Variants in SLIT1 observed in about 807,000 individuals in gnomAD.
SLIT1 encodes the protein slit guidance ligand 1, also known as slit homolog 1 protein.
In SLIT1, 66 loss-of-function variants were observed where a neutral mutation model predicts 186.1. The ratio of observed to expected loss-of-function variants is 0.35; its 90% CI spans 0.29 to 0.44. The LOEUF (loss-of-function observed/expected upper bound fraction) is 0.44, where lower values mean the gene tolerates loss of function less well. Ranked by LOEUF, SLIT1 falls within the 20% of genes least tolerant of loss-of-function variation. The probability of loss-of-function intolerance (pLI) is 1.00; values close to 1 mark genes in which losing one functional copy is unlikely to be tolerated. For synonymous variants in SLIT1, 761 were observed against 833.8 expected, an observed-to-expected ratio of 0.91 and a Z score of 1.50; for missense variants, 1,638 against 2,037.4, an observed-to-expected ratio of 0.80 and a Z score of 3.77.
At chr10:97,136,342 T>C (rs537908413) in intron 4 of SLIT1, among the ~76,000 whole-genome samples, 2 of 152,340 alleles carry the variant, frequency 1.3e-5, no homozygotes, top group Admixed American at 1.3e-4. Context: ...GTTATTTTTT[T>C]AAGTGGCTTT....
At chr10:97,141,646 T>C (rs905415122) in intron 4 of SLIT1, among the ~76,000 whole-genome samples, 4 of 151,444 alleles carry the variant, frequency 2.6e-5, no homozygotes, top group African/African-American at 9.8e-5. Context: ...TGCACTGTAT[T>C]GCATTGTATT....
chr10:97,119,913 GTATATATATA>G lies in SLIT1; in HGVS notation c.413+37895_413+37904del, dbSNP rs55656011. 2.7e-3 allele frequency among the ~76,000 whole-genome samples: 150 copies of G among 56,520 alleles called. 1 individual carries two copies. The highest frequency in any genetic ancestry group is 4.5e-3 in the African/African-American group (86 of 19,086). The allele number at this position is 56,520 out of a possible 152,430, so 37.1% of individuals were successfully genotyped here. A position where few individuals can be genotyped will look rare whatever the true frequency, so the allele number is the denominator to read the frequency against. On this transcript the variant is annotated intron_variant, in intron 4 of 36. Coordinates refer to ENST00000266058, the MANE Select transcript of SLIT1 (RefSeq NM_003061.3). ...AAATACATATTTTTTTTCCAAAGGG[GTATATATATA>G]TATATATATATATATATATATATGT...
intron 1 of SLIT1, among the ~76,000 whole-genome samples, chr10:97,171,405 C>A (rs1850187167): frequency 6.6e-6 from 1 of 152,156 alleles, no homozygotes; most frequent in African/African-American, 2.4e-5. Context: ...TCACCTTGGC[C>A]CCTCTCCAAT....
chr10:97,016,728 T>A (rs1007105799), intron 28 of SLIT1, among the ~76,000 whole-genome samples: 4 of 152,220 alleles, frequency 2.6e-5, no homozygotes, highest in African/African-American at 9.7e-5. Context: ...AAAAATTACC[T>A]CCTTTGCAAT....
At chr10:97,064,305 C>T in intron 6 of SLIT1, 66 bp from the exon 7 acceptor site, 7 of 1,342,910 alleles carry the variant, frequency 5.2e-6, no homozygotes, top group South Asian at 1.2e-5. Context: ...ACAGGGCCGC[C>T]CTGCTAACGA....
chr10:97,071,795 T>A (rs1379776377), intron 4 of SLIT1, among the ~76,000 whole-genome samples: 1 of 152,224 alleles, frequency 6.6e-6, no homozygotes, highest in African/African-American at 2.4e-5. Flanking sequence ...GGCACTCAGA[T>A]GAGGCAAGAA....
rs35171328 is a variant in SLIT1 at position 97,012,075 on chromosome 10, T to TACAC, written c.3204-949_3204-946dup. Reference sequence around the variant, plus strand: ...CTATAAGAAATACTTTCAAGCCCAGTACACACACACACACACACACACACA... The same window carrying TACAC: ...CTATAAGAAATACTTTCAAGCCCAGTACACACACACACACACACACACACACACA... On this transcript the variant is annotated intron_variant, in intron 30 of 36. Transcript: ENST00000266058. 4.7e-3 allele frequency among the ~76,000 whole-genome samples: 620 copies of TACAC among 130,904 alleles called. 2 individuals carry two copies. The highest frequency in any genetic ancestry group is 7.5e-3 in the Middle Eastern group (2 of 266). 85.9% of individuals were successfully genotyped at this position (130,904 alleles called of 152,430 possible).
At chr10:97,105,407 G>A (rs987601935) in intron 4 of SLIT1, among the ~76,000 whole-genome samples, 2 of 152,134 alleles carry the variant, frequency 1.3e-5, no homozygotes, top group Non-Finnish European at 2.9e-5. Flanking sequence ...ACATAAATGA[G>A]GCCCCAGGAG....
intron 4 of SLIT1, among the ~76,000 whole-genome samples, chr10:97,140,250 C>T (rs766463611): frequency 6.6e-6 from 1 of 152,160 alleles, no homozygotes; most frequent in Non-Finnish European, 1.5e-5. Context: ...CTACCCATTA[C>T]TACCCCATTA....
chr10:97,126,614 G>T (rs1280185305), intron 4 of SLIT1, among the ~76,000 whole-genome samples: 2 of 152,220 alleles, frequency 1.3e-5, no homozygotes, highest in African/African-American at 4.8e-5. Context: ...CTTGTTGACT[G>T]ACAGATTCCA....
chr10:97,178,137 T>C (rs1372801979), intron 1 of SLIT1, among the ~76,000 whole-genome samples: 2 of 152,094 alleles, frequency 1.3e-5, no homozygotes, highest in Admixed American at 1.3e-4. Context: ...AAACAGAATA[T>C]GTACCCAGCT....
chr10:97,056,224 C>A, intron 13 of SLIT1, 97 bp downstream of exon 13: 4 of 1,383,500 alleles, frequency 2.9e-6, no homozygotes, highest in Non-Finnish European at 4.0e-6. Flanking sequence ...GTGAGCACAG[C>A]AGCCCAGAGC....
intron 4 of SLIT1, among the ~76,000 whole-genome samples, chr10:97,108,674 G>A (rs1849436365): frequency 6.6e-6 from 1 of 152,026 alleles, no homozygotes; most frequent in South Asian, 2.1e-4. Context: ...CAGATCACAA[G>A]GTCAGCAGAT....
chr10:97,003,696 G>C (rs1410922305), intron 34 of SLIT1, among the ~76,000 whole-genome samples: 1 of 152,220 alleles, frequency 6.6e-6, no homozygotes, highest in East Asian at 1.9e-4. Flanking sequence ...CTCTGTGCCT[G>C]AGTCTCTTGC....
chr10:97,179,032 T>A (rs1850294931), intron 1 of SLIT1, among the ~76,000 whole-genome samples: 1 of 152,076 alleles, frequency 6.6e-6, no homozygotes, highest in African/African-American at 2.4e-5. Flanking sequence ...CAAACTCCCT[T>A]ACCCTCGCTT....
At chr10:97,013,983 C>T (rs946006406) in intron 29 of SLIT1, 36 bp downstream of exon 29, 17 of 1,606,812 alleles carry the variant, frequency 1.1e-5, no homozygotes, top group Non-Finnish European at 1.4e-5. Context: ...CTCTGTTCCC[C>T]ACCTCCCCCA....
intron 18 of SLIT1, among the ~76,000 whole-genome samples, chr10:97,045,204 C>T (rs1848724165): frequency 6.7e-6 from 1 of 149,958 alleles, no homozygotes; most frequent in South Asian, 2.1e-4. Context: ...TACAACATTG[C>T]TTATAAAAAA....
At chr10:97,169,164 G>C (rs988174939) in intron 1 of SLIT1, among the ~76,000 whole-genome samples, 2 of 152,122 alleles carry the variant, frequency 1.3e-5, no homozygotes, top group Non-Finnish European at 2.9e-5. Context: ...TCTCCCCTGG[G>C]GGCCCTGCTT....
chr10:97,135,545 C>T (rs577230881), intron 4 of SLIT1, among the ~76,000 whole-genome samples: 6 of 152,202 alleles, frequency 3.9e-5, no homozygotes, highest in Middle Eastern at 6.8e-3. Flanking sequence ...AACTGGAGGC[C>T]GAGCAATAGT....
Sources: allele counts gnomAD v4.1 joint callset (sites outside exome capture counted in the v4.1 genomes callset), GRCh38; gene constraint gnomAD v4.1.1; transcripts MANE v1.5; gene names NCBI Gene and HGNC (gene_info 2026-07-23, HGNC 2026-07-21).